GSG1L: variants seen among roughly 807,000 people sequenced by gnomAD.
The protein encoded by GSG1L is germ cell-specific gene 1-like protein.
GSG1L carries 24 observed loss-of-function variants against 42.1 expected under a neutral mutation model. The observed-to-expected ratio is 0.57, with a 90% confidence interval of 0.41 to 0.80. The LOEUF (loss-of-function observed/expected upper bound fraction) is 0.80, where lower values mean the gene tolerates loss of function less well. GSG1L is among the 30% of genes least tolerant of loss of function. GSG1L has a pLI of 0.00. For missense variants in GSG1L, 445 were observed against 472.2 expected, an observed-to-expected ratio of 0.94 and a Z score of 0.53; for synonymous variants, 215 against 203.5, an observed-to-expected ratio of 1.06 and a Z score of -0.48.
At chr16:27,949,297 T>C (rs2084924892) in intron 2 of GSG1L, among the ~76,000 whole-genome samples, 1 of 152,218 alleles carries the variant, frequency 6.6e-6, no homozygotes, top group South Asian at 2.1e-4. Flanking sequence ...CAGATATTAC[T>C]GCTCAGGATG....
At chr16:27,945,437 C>A (rs912370675) in intron 2 of GSG1L, among the ~76,000 whole-genome samples, 28 of 152,160 alleles carry the variant, frequency 1.8e-4, no homozygotes, top group Non-Finnish European at 4.1e-4. Flanking sequence ...TCACTAGCCC[C>A]TCCCCCTGCT....
intron 5 of GSG1L, among the ~76,000 whole-genome samples, chr16:27,809,361 C>T (rs888153743): frequency 2.6e-5 from 4 of 152,058 alleles, no homozygotes; most frequent in African/African-American, 9.7e-5. Flanking sequence ...CATGATTATA[C>T]CACTGCACTC....
chr16:27,874,351 T>C (rs2083858777), intron 3 of GSG1L, among the ~76,000 whole-genome samples: 1 of 148,580 alleles, frequency 6.7e-6, no homozygotes, highest in Non-Finnish European at 1.5e-5. Context: ...ATTGAGATCA[T>C]CTACACATCG....
At position 27,901,156 on chromosome 16, in the gene GSG1L, A is replaced by G. The variant is rs74015129; in HGVS notation, c.398-16518T>C. The stretch of plus-strand genomic sequence containing the variant: ...AAATAAATATTTAAAAATTAGAAGT[A>G]TATTAGTACACATACTTCTTGATTG... On this transcript the variant is annotated intron_variant, in intron 2 of 6. Transcript: ENST00000447459. Among the ~76,000 whole-genome samples the G allele has an allele frequency of 5.2e-3, 791 of 152,328 alleles. 10 individuals are homozygous for G. Among genetic ancestry groups the G allele is most frequent in the African/African-American group, 0.018 (757 of 41,566 alleles).
In GSG1L at chr16:27,791,184, C is replaced by T. The variant is rs1167640334; in HGVS notation, c.*186G>A. On this transcript the variant is annotated 3_prime_UTR_variant, in exon 7 of 7. Transcript: ENST00000447459. Reference sequence around the variant, plus strand: ...CCCTGTGCATTCCCTTGGGCCTGCCCTGGCCCCATTTCCAAGGCCATGGGA... The same window carrying T: ...CCCTGTGCATTCCCTTGGGCCTGCCTTGGCCCCATTTCCAAGGCCATGGGA... 7.4e-6 allele frequency: 3 copies of T among 406,790 alleles called. No homozygotes were observed. The East Asian group carries it at 1.1e-4, about 15-fold the overall frequency. 25.2% of individuals were successfully genotyped at this position (406,790 alleles called of 1,614,324 possible). A position where few individuals can be genotyped will look rare whatever the true frequency, so the allele number is the denominator to read the frequency against.
chr16:28,002,030 G>T (rs2085583195), intron 1 of GSG1L, among the ~76,000 whole-genome samples: 1 of 152,174 alleles, frequency 6.6e-6, no homozygotes, highest in Admixed American at 6.5e-5. Flanking sequence ...CCTCATTTTT[G>T]CATTCAATCA....
chr16:27,936,465 T>C (rs2084719352), intron 2 of GSG1L, among the ~76,000 whole-genome samples: 2 of 152,176 alleles, frequency 1.3e-5, no homozygotes, highest in South Asian at 4.1e-4. Flanking sequence ...CCTCCGTCTC[T>C]TGCCTCCTCT....
chr16:27,948,718 G>T (rs147398439), intron 2 of GSG1L, among the ~76,000 whole-genome samples: 2 of 148,596 alleles, frequency 1.3e-5, no homozygotes, highest in African/African-American at 5.0e-5. Context: ...CACGCCATTC[G>T]CCTGTCTCAG....
chr16:27,855,045 G>A (rs2083559733), intron 3 of GSG1L, among the ~76,000 whole-genome samples: 1 of 152,144 alleles, frequency 6.6e-6, no homozygotes, highest in South Asian at 2.1e-4. Flanking sequence ...CTGGGTGACA[G>A]AGCAAGACCT....
In GSG1L at chr16:27,867,984, T is replaced by G. The variant is rs374566379; in HGVS notation, c.550+16502A>C. Reference sequence around the variant, plus strand: ...TCACTCCACTAAGTCCCTTAAAAACTGCCAGAAACCAGCAGTTCCTCCAGC... The same window carrying G: ...TCACTCCACTAAGTCCCTTAAAAACGGCCAGAAACCAGCAGTTCCTCCAGC... On this transcript the variant is annotated intron_variant, in intron 3 of 6. Transcript: ENST00000447459. 6.6e-5 allele frequency among the ~76,000 whole-genome samples: 10 copies of G among 152,386 alleles called. No individual in the cohort carries two copies. The South Asian group carries it at 2.1e-3, about 32-fold the overall frequency.
chr16:27,992,697 G>T (rs536611835), intron 1 of GSG1L, among the ~76,000 whole-genome samples: 1 of 152,138 alleles, frequency 6.6e-6, no homozygotes, highest in East Asian at 1.9e-4. Context: ...TGCAGAACAC[G>T]CTTCCTCTTC....
In GSG1L at chr16:27,790,680, C is replaced by G. The variant is rs1364487325; in HGVS notation, c.*690G>C. The G allele has an allele frequency of 6.6e-6, 1 of 152,380 alleles. No individual in the cohort carries two copies. The allele number at this position is 152,380 out of a possible 1,614,324, so 9.4% of individuals were successfully genotyped here. ...GCCCCACATCTCTTGCTTGCCTGGC[C>G]CCTGCCTTGCCCACTCTCTGGAATA... On this transcript the variant is annotated 3_prime_UTR_variant, in exon 7 of 7. Transcript: ENST00000447459.
chr16:28,050,707 T>C (rs1334056487), intron 1 of GSG1L, among the ~76,000 whole-genome samples: 2 of 152,232 alleles, frequency 1.3e-5, no homozygotes, highest in East Asian at 3.8e-4. Context: ...AAAGAGGTTA[T>C]GGCTTATGCT....
chr16:27,880,274 T>C lies in GSG1L; in HGVS notation c.550+4212A>G, dbSNP rs962458284. 2.6e-5 allele frequency among the ~76,000 whole-genome samples: 4 copies of C among 152,230 alleles called. No homozygotes were observed. The South Asian group carries it at 8.3e-4, about 32-fold the overall frequency. ...CAGCCTCAAAGTTTATCTCCTCATA[T>C]TGTGTCTCTCCTGTTTATCTTCTCC... On this transcript the variant is annotated intron_variant, in intron 3 of 6. Coordinates refer to ENST00000447459, the MANE Select transcript of GSG1L (RefSeq NM_001109763.2).
At chr16:27,801,168 G>C (rs2082877030) in intron 6 of GSG1L, among the ~76,000 whole-genome samples, 1 of 152,160 alleles carries the variant, frequency 6.6e-6, no homozygotes, top group African/African-American at 2.4e-5. Context: ...AGGTTGGCTG[G>C]GGCAGCATGG....
chr16:27,883,700 G>A (rs1438761184), intron 3 of GSG1L, among the ~76,000 whole-genome samples: 3 of 152,218 alleles, frequency 2.0e-5, no homozygotes, highest in African/African-American at 7.2e-5. Context: ...CCAAGCCACT[G>A]CTCTGTCTGC....
intron 2 of GSG1L, among the ~76,000 whole-genome samples, chr16:27,947,599 A>AAGAAAGAAAGAAAGAAAGAG (rs1401836017): frequency 9.3e-5 from 8 of 86,092 alleles, no homozygotes; most frequent in African/African-American, 2.5e-4. Flanking sequence ...GAAAGAAAGA[A>AAGAAAGAAAGAAAGAAAGAG]AAAGAAAGAA....
chr16:27,847,377 G>C (rs2083455878), intron 3 of GSG1L, among the ~76,000 whole-genome samples: 1 of 152,202 alleles, frequency 6.6e-6, no homozygotes, highest in South Asian at 2.1e-4. Context: ...GCTGGGTGTG[G>C]TGCTCCCCAG....
At chr16:27,951,077 G>C (rs1053143945) in intron 2 of GSG1L, among the ~76,000 whole-genome samples, 2 of 152,154 alleles carry the variant, frequency 1.3e-5, no homozygotes, top group Non-Finnish European at 2.9e-5. Context: ...AAGGGATACT[G>C]ACGACTGGCC....
Sources: gnomAD v4.1 joint callset for allele counts (sites outside exome capture counted in the v4.1 genomes callset) on GRCh38, gnomAD v4.1.1 for gene constraint, MANE v1.5 for transcripts, NCBI Gene and HGNC (gene_info 2026-07-23, HGNC 2026-07-21) for gene names.